EPHA3: variants seen among roughly 807,000 people sequenced by gnomAD.
EPHA3 encodes EPH receptor A3, also known as ephrin type-A receptor 3.
EPHA3 carries 42 observed loss-of-function variants against 107.1 expected under a neutral mutation model. That is an observed-to-expected ratio of 0.39 (90% CI 0.31 to 0.51). The LOEUF (loss-of-function observed/expected upper bound fraction) is 0.51, where lower values mean the gene tolerates loss of function less well. Among genes scored for constraint, EPHA3 ranks in the 20% least tolerant of loss-of-function variants. The pLI is 0.78. For missense variants in EPHA3, 1,183 were observed against 1,211.2 expected (o/e 0.98, Z 0.35); for synonymous variants, 461 against 424.8 (o/e 1.09, Z -1.05).
chr3:89,329,423 T>A (rs531995008), intron 3 of EPHA3, among the ~76,000 whole-genome samples: 1 of 152,250 alleles, frequency 6.6e-6, no homozygotes, highest in African/African-American at 2.4e-5. Context: ...ACATTCCTAA[T>A]GTGTCCCAGT....
chr3:89,121,235 C>A (rs1288598593), intron 1 of EPHA3, among the ~76,000 whole-genome samples: 2 of 141,278 alleles, frequency 1.4e-5, no homozygotes, highest in African/African-American at 5.3e-5. Flanking sequence ...GACTCCGTCT[C>A]AAAAAAATAA....
At chr3:89,286,770 G>A (rs1706092835) in intron 3 of EPHA3, among the ~76,000 whole-genome samples, 1 of 152,074 alleles carries the variant, frequency 6.6e-6, no homozygotes, top group Non-Finnish European at 1.5e-5. Flanking sequence ...GTGAGGAAAT[G>A]AAGAAGTGTA....
intron 3 of EPHA3, among the ~76,000 whole-genome samples, chr3:89,222,250 T>C (rs1468053460): frequency 1.3e-5 from 2 of 151,234 alleles, no homozygotes; most frequent in East Asian, 2.0e-4. Flanking sequence ...AAGTGGCAGA[T>C]TGGGAATGAA....
chr3:89,157,451 T>C (rs1704831576), intron 2 of EPHA3, among the ~76,000 whole-genome samples: 1 of 152,142 alleles, frequency 6.6e-6, no homozygotes, highest in Non-Finnish European at 1.5e-5. Flanking sequence ...AAACCAGATC[T>C]CTTGCAAAGT....
chr3:89,338,467 G>C (rs1286171443), intron 3 of EPHA3, among the ~76,000 whole-genome samples: 1 of 152,202 alleles, frequency 6.6e-6, no homozygotes, highest in African/African-American at 2.4e-5. Flanking sequence ...AGGGCCCTTT[G>C]GGCATGGGCA....
intron 3 of EPHA3, among the ~76,000 whole-genome samples, chr3:89,295,587 C>A (rs1706328695): frequency 6.6e-6 from 1 of 151,988 alleles, no homozygotes; most frequent in Admixed American, 6.6e-5. Flanking sequence ...GTTATTATTT[C>A]CTTTTTTTCC....
rs369722397 is a variant in EPHA3, at chr3:89,429,446, A to G, written c.2136+279A>G. On this transcript the variant is annotated intron_variant, in intron 12 of 16. Coordinates refer to ENST00000336596, the MANE Select transcript of EPHA3 (RefSeq NM_005233.6). ...ACTCGTTAAATAAAAATAAAAAAGA[A>G]TCCTAAAGCAAGTAATAAAACCCAC... 5.3e-4 allele frequency among the ~76,000 whole-genome samples: 80 copies of G among 152,280 alleles called. No individual in the cohort carries two copies. In the South Asian group the frequency reaches 0.015, roughly 28 times the overall value.
chr3:89,245,402 G>A (rs575408603), intron 3 of EPHA3, among the ~76,000 whole-genome samples: 3 of 151,912 alleles, frequency 2.0e-5, no homozygotes, highest in Non-Finnish European at 4.4e-5. Context: ...AAAGCATTAC[G>A]CTATTTTCAT....
intron 3 of EPHA3, among the ~76,000 whole-genome samples, chr3:89,211,745 TCTTCTTCTTCTTC>T (rs1704099555): frequency 4.9e-5 from 1 of 20,360 alleles, no homozygotes; most frequent in African/African-American, 1.5e-4. Flanking sequence ...TTCTTCTCCT[TCTTCTTCTTCTTC>T]TTCTTCTTCT....
rs1706770989 is a variant in EPHA3 at position 89,311,713 on chromosome 3, G to T, written c.815-29203G>T. Among the ~76,000 whole-genome samples the T allele has an allele frequency of 2.0e-5, 3 of 152,100 alleles. No individual in the cohort carries two copies. In the South Asian group the frequency reaches 6.2e-4, roughly 32 times the overall value. On this transcript the variant is annotated intron_variant, in intron 3 of 16. Coordinates refer to ENST00000336596, the MANE Select transcript of EPHA3 (RefSeq NM_005233.6). ...AGTGAATAGGGATTGTCTTTCTTCAGCAAATGCCAGCTCTGGAATTGTTTA... is the reference window on the plus strand; with the variant it reads ...AGTGAATAGGGATTGTCTTTCTTCATCAAATGCCAGCTCTGGAATTGTTTA...
At chr3:89,386,937 T>C (rs1708634051) in intron 5 of EPHA3, among the ~76,000 whole-genome samples, 1 of 152,218 alleles carries the variant, frequency 6.6e-6, no homozygotes, top group African/African-American at 2.4e-5. Context: ...GGCCAACTTA[T>C]TTCATTTGGA....
chr3:89,154,714 A>C (rs1289617410), intron 2 of EPHA3, among the ~76,000 whole-genome samples: 1 of 151,550 alleles, frequency 6.6e-6, no homozygotes, highest in Non-Finnish European at 1.5e-5. Flanking sequence ...TGTAACACAA[A>C]GTTTTCAGAT....
At chr3:89,346,003 A>T (rs1338629913) in intron 5 of EPHA3, among the ~76,000 whole-genome samples, 1 of 144,708 alleles carries the variant, frequency 6.9e-6, no homozygotes, top group African/African-American at 2.6e-5. Flanking sequence ...ACATTTTCTT[A>T]ATCCAGTCTA....
rs1189246762 is a variant in EPHA3, at chr3:89,143,453, G to A, written c.153+16180G>A. Among the ~76,000 whole-genome samples the A allele has an allele frequency of 3.3e-5, 5 of 151,418 alleles. No individual in the cohort carries two copies. The Admixed American group carries it at 3.3e-4, about 10-fold the overall frequency. ...GCTAGAAACAAGTCTTACCCACAAG[G>A]ACCAAGTATACTAGTGTGTTTTGTC... On this transcript the variant is annotated intron_variant, in intron 2 of 16. Coordinates refer to ENST00000336596, the MANE Select transcript of EPHA3 (RefSeq NM_005233.6).
chr3:89,393,662 T>C (rs1708789282), intron 5 of EPHA3, among the ~76,000 whole-genome samples: 1 of 152,306 alleles, frequency 6.6e-6, no homozygotes, highest in South Asian at 2.1e-4. Flanking sequence ...GAAAAATTAG[T>C]AGATTTCCTC....
At chr3:89,125,698 G>A (rs1308618379) in intron 1 of EPHA3, among the ~76,000 whole-genome samples, 4 of 151,478 alleles carry the variant, frequency 2.6e-5, no homozygotes, top group African/African-American at 7.3e-5. Context: ...AAAAGGTAAA[G>A]TTTATGTTTG....
At chr3:89,229,695 A>G (rs568398530) in intron 3 of EPHA3, among the ~76,000 whole-genome samples, 1 of 151,944 alleles carries the variant, frequency 6.6e-6, no homozygotes, top group Non-Finnish European at 1.5e-5. Flanking sequence ...TATATGATAG[A>G]TTCATCAATA....
chr3:89,234,886 C>T (rs2107231984), intron 3 of EPHA3, among the ~76,000 whole-genome samples: 1 of 139,300 alleles, frequency 7.2e-6, no homozygotes, highest in South Asian at 2.4e-4. Context: ...TTCCTGCCTT[C>T]CTCCCTTCTT....
At chr3:89,449,447 G>A in intron 14 of EPHA3, 73 bp downstream of exon 14, 1 of 1,347,346 alleles carries the variant, frequency 7.4e-7, no homozygotes, top group South Asian at 2.1e-5. Context: ...GGAACATAAT[G>A]TAACTGGGTG....
Sources: gnomAD v4.1 joint callset for allele counts (sites outside exome capture counted in the v4.1 genomes callset) on GRCh38, gnomAD v4.1.1 for gene constraint, MANE v1.5 for transcripts, NCBI Gene and HGNC (gene_info 2026-07-23, HGNC 2026-07-21) for gene names.